The following NIN variants were observed in gnomAD, a reference collection of about 807,000 sequenced individuals.
NIN encodes the protein glycogen synthase kinase 3 beta-interacting protein.
Under a neutral mutation model 257.6 loss-of-function variants are expected in NIN, and 137 were observed. That is an observed-to-expected ratio of 0.53 (90% CI 0.46 to 0.61). NIN has a LOEUF of 0.61. NIN is among the 20% of genes least tolerant of loss of function. The pLI is 0.00. For synonymous variants in NIN, 918 were observed against 919.8 expected (o/e 1.00, Z 0.04); for missense variants, 2,439 against 2,501.2 (o/e 0.98, Z 0.53).
In NIN at chr14:50,729,825, A is replaced by G. The variant is rs2984275; in HGVS notation, c.5878-102T>C. 1.9e-3 allele frequency: 1,672 copies of G among 866,984 alleles called. 29 individuals are homozygous for G. In the African/African-American group the frequency reaches 0.024, roughly 13 times the overall value. The allele number at this position is 866,984 out of a possible 1,614,324, so 53.7% of individuals were successfully genotyped here. A position where few individuals can be genotyped will look rare whatever the true frequency, so the allele number is the denominator to read the frequency against. On this transcript the variant is annotated intron_variant, in intron 28 of 30. Coordinates refer to ENST00000530997, the MANE Select transcript of NIN (RefSeq NM_020921.4). The stretch of plus-strand genomic sequence containing the variant: ...AGTAATGAAGACTATTAATTCATTA[A>G]TAACCCCAGACCCACTGAAACTTGG...
chr14:50,731,877 T>C (rs955934123), intron 28 of NIN, among the ~76,000 whole-genome samples: 1 of 152,198 alleles, frequency 6.6e-6, no homozygotes, highest in African/African-American at 2.4e-5. Context: ...ATGGATCTGA[T>C]GTTAAATCTC....
chr14:50,797,985 G>A (rs142130935), intron 4 of NIN, among the ~76,000 whole-genome samples: 2 of 152,170 alleles, frequency 1.3e-5, no homozygotes, highest in Non-Finnish European at 2.9e-5. Flanking sequence ...AAGGGAGTTG[G>A]GAGGGGAACG....
chr14:50,818,052 G>A (rs1435929051), intron 3 of NIN, among the ~76,000 whole-genome samples: 3 of 150,640 alleles, frequency 2.0e-5, no homozygotes, highest in African/African-American at 2.4e-5. Context: ...GGCCGGGCAC[G>A]ATGGCTCACG....
rs981176067 is a variant in NIN at position 50,758,362 on chromosome 14, G to C, written c.2668C>G (p.Leu890Val). ...LKREKTTSLV[L>V]TQEREMLEKT... ...TCCAGCATCTCTCTCTCCTGGGTCAGGACCAGAGAAGTTGTTTTCTCTCTC... is the reference window on the plus strand; with the variant it reads ...TCCAGCATCTCTCTCTCCTGGGTCACGACCAGAGAAGTTGTTTTCTCTCTC... Residue 890 changes from leucine to valine, a missense_variant, in exon 18 of 31, where the codon CTG becomes GTG. Physicochemically the swap from Leu to Val is conservative, Grantham distance 32. Transcript: ENST00000530997. 7 of 1,614,126 alleles carry C rather than the reference G, an allele frequency of 4.3e-6. No individual in the cohort carries two copies. The African/African-American group carries it at 9.3e-5, about 22-fold the overall frequency.
intron 2 of NIN, among the ~76,000 whole-genome samples, chr14:50,822,611 C>T (rs1336227157): frequency 6.6e-6 from 1 of 152,226 alleles, no homozygotes; most frequent in Non-Finnish European, 1.5e-5. Context: ...ATTCGTTCTA[C>T]TTCATTCAGC....
At chr14:50,769,418 T>A (rs1220613900) in intron 12 of NIN, among the ~76,000 whole-genome samples, 2 of 152,162 alleles carry the variant, frequency 1.3e-5, no homozygotes, top group Non-Finnish European at 1.5e-5. Flanking sequence ...GCAAGGCACA[T>A]TTGGAGGCCG....
At chr14:50,802,994 G>A (rs1000339767) in intron 4 of NIN, among the ~76,000 whole-genome samples, 1 of 152,066 alleles carries the variant, frequency 6.6e-6, no homozygotes, top group African/African-American at 2.4e-5. Flanking sequence ...TCCTTCTATG[G>A]TGTAAAGGTA....
intron 4 of NIN, chr14:50,806,439 G>C: frequency 4.4e-6 from 1 of 227,284 alleles, no homozygotes; most frequent in East Asian, 9.7e-5. Context: ...AAGGAAACAA[G>C]GATGAAAGCA....
intron 30 of NIN, among the ~76,000 whole-genome samples, chr14:50,725,328 C>T (rs996324077): frequency 2.0e-5 from 3 of 151,978 alleles, no homozygotes; most frequent in East Asian, 1.9e-4. Context: ...TCAGTGGATG[C>T]GCAACTAATT....
intron 25 of NIN, among the ~76,000 whole-genome samples, chr14:50,740,412 G>A (rs2041223972): frequency 1.3e-5 from 2 of 151,644 alleles, no homozygotes; most frequent in Non-Finnish European, 2.9e-5. Context: ...GCAGTGGCAC[G>A]ATCTTGGCTC....
intron 28 of NIN, among the ~76,000 whole-genome samples, chr14:50,732,044 C>CTTATTG (rs1371881556): frequency 5.9e-5 from 9 of 152,128 alleles, no homozygotes; most frequent in African/African-American, 1.9e-4. Flanking sequence ...ACTTATTGAA[C>CTTATTG]CGCTCATGTT....
chr14:50,823,423 A>G (rs9672090), intron 2 of NIN: 383,328 of 390,932 alleles, frequency 0.98, 188,399 homozygotes, highest in South Asian at 1. Flanking sequence ...GTGATCGTCC[A>G]TACGGCAGAT....
intron 28 of NIN, among the ~76,000 whole-genome samples, 180 bp from the exon 29 acceptor site, chr14:50,729,903 G>A (rs1212643032): frequency 2.6e-5 from 4 of 152,190 alleles, no homozygotes; most frequent in South Asian, 2.1e-4. Flanking sequence ...AAGCTATTTC[G>A]CTTAGCAGAG....
intron 25 of NIN, among the ~76,000 whole-genome samples, chr14:50,740,124 TG>T (rs1335093638): frequency 1.4e-5 from 2 of 143,408 alleles, no homozygotes; most frequent in Non-Finnish European, 3.1e-5. Context: ...AAACCAAACA[TG>T]AAAAAAAAAA....
At position 50,744,363 on chromosome 14, in the gene NIN, C is replaced by T. The variant is rs779556271; in HGVS notation, c.5067G>A (p.Leu1689=). 6.2e-7 allele frequency: 1 copy of T among 1,613,660 alleles called. No individual in the cohort carries two copies. Among genetic ancestry groups the T allele is most frequent in the South Asian group, 1.1e-5 (1 of 91,052 alleles). The change falls in exon 23 of 31, where the codon CTG becomes CTA. Residue 1689 remains leucine (L), a splice_region_variant and synonymous_variant. Coordinates refer to ENST00000530997, the MANE Select transcript of NIN (RefSeq NM_020921.4). ...AGTCAGAGAGATCGGGACATCTGTG[C>T]AGCTGTAAGAGATAAACAAATGAGC... ...LKDELEKMKQ[L]HRCPDLSDFQ... is the part of the protein sequence containing the mutation.
At chr14:50,811,661 A>G (rs1477570149) in intron 3 of NIN, among the ~76,000 whole-genome samples, 1 of 138,558 alleles carries the variant, frequency 7.2e-6, no homozygotes, top group Non-Finnish European at 1.5e-5. Context: ...GCACTTTGTG[A>G]GGCCAAAGCG....
intron 29 of NIN, 195 bp from the exon 30 acceptor site, chr14:50,726,261 G>C: frequency 2.0e-6 from 1 of 500,354 alleles, no homozygotes; most frequent in East Asian, 3.0e-5. Flanking sequence ...ATCAGATAAA[G>C]GATCAGACTG....
rs2040585381 is a variant in NIN at position 50,729,514 on chromosome 14, G to A, written c.6078+9C>T. The stretch of plus-strand genomic sequence containing the variant: ...CAGGTGATCTACTAGAGTAGAGAGA[G>A]CTTCATACCTGTGGTGTGTTGGTTT... On this transcript the variant is annotated intron_variant, in intron 29 of 30. Transcript: ENST00000530997. 6.2e-7 allele frequency: 1 copy of A among 1,611,008 alleles called. No homozygotes were observed. Among genetic ancestry groups the A allele is most frequent in the Non-Finnish European group, 8.5e-7 (1 of 1,178,136 alleles).
intron 22 of NIN, among the ~76,000 whole-genome samples, chr14:50,747,038 A>G (rs2041578532): frequency 6.6e-6 from 1 of 152,008 alleles, no homozygotes; most frequent in Non-Finnish European, 1.5e-5. Flanking sequence ...ATTTTTTTGT[A>G]GAGATATGGT....
Sources: allele counts gnomAD v4.1 joint callset (sites outside exome capture counted in the v4.1 genomes callset), GRCh38; gene constraint gnomAD v4.1.1; transcripts MANE v1.5; gene names NCBI Gene and HGNC (gene_info 2026-07-23, HGNC 2026-07-21).